Variants in FUT8 observed in about 807,000 individuals in gnomAD.
FUT8 encodes alpha-(1,6)-fucosyltransferase.
A neutral mutation model predicts 71.3 loss-of-function variants in FUT8; 29 were observed. That is an observed-to-expected ratio of 0.41 (90% confidence interval 0.30 to 0.55). The LOEUF (loss-of-function observed/expected upper bound fraction) is 0.55, where lower values mean the gene tolerates loss of function less well. Among genes scored for constraint, FUT8 ranks in the 20% least tolerant of loss-of-function variants. FUT8 has a pLI of 0.34. For synonymous variants in FUT8, 254 were observed against 239.3 expected (o/e 1.06, Z -0.57); for missense variants, 544 against 702.1 (o/e 0.77, Z 2.55).
chr14:65,647,585 A>G (rs1181433073), intron 6 of FUT8, among the ~76,000 whole-genome samples: 1 of 152,210 alleles, frequency 6.6e-6, no homozygotes, highest in Non-Finnish European at 1.5e-5. Flanking sequence ...GACATTTTAC[A>G]GTTGAAGTAT....
intron 6 of FUT8, among the ~76,000 whole-genome samples, chr14:65,641,853 C>G (rs1342709497): frequency 4.7e-5 from 7 of 149,704 alleles, no homozygotes; most frequent in Admixed American, 4.7e-4. Flanking sequence ...CTTAAATCTT[C>G]TGCCTATTTT....
At chr14:65,650,433 A>G (rs1056714309) in intron 6 of FUT8, among the ~76,000 whole-genome samples, 4 of 151,904 alleles carry the variant, frequency 2.6e-5, no homozygotes, top group African/African-American at 4.8e-5. Flanking sequence ...GAAACTTACA[A>G]TCATGGCAGA....
intron 6 of FUT8, among the ~76,000 whole-genome samples, chr14:65,665,011 G>C (rs1207686784): frequency 6.6e-6 from 1 of 152,108 alleles, no homozygotes; most frequent in African/African-American, 2.4e-5. Flanking sequence ...AACATTTGCT[G>C]TCTGGATCTC....
At chr14:65,535,521 C>G (rs1396104863) in intron 2 of FUT8, among the ~76,000 whole-genome samples, 1 of 152,150 alleles carries the variant, frequency 6.6e-6, no homozygotes, top group East Asian at 1.9e-4. Context: ...TAAAGAACTT[C>G]TTTGGTTTCT....
At chr14:65,415,312 T>C (rs2065202556) in intron 1 of FUT8, among the ~76,000 whole-genome samples, 1 of 152,212 alleles carries the variant, frequency 6.6e-6, no homozygotes, top group African/African-American at 2.4e-5. Flanking sequence ...TGTGGGCATA[T>C]ATATGTACAT....
rs1472307028 is a variant in FUT8 at position 65,650,306 on chromosome 14, A to C, written c.598-18937A>C. Among the ~76,000 whole-genome samples the C allele has an allele frequency of 2.0e-3, 274 of 135,456 alleles. 1 individual carries two copies. The highest frequency in any genetic ancestry group is 6.6e-3 in the African/African-American group (243 of 36,664). 88.9% of individuals were successfully genotyped at this position (135,456 alleles called of 152,430 possible). A position where few individuals can be genotyped will look rare whatever the true frequency, so the allele number is the denominator to read the frequency against. ...AGAGTGAGACTCTGTCTCAAAAAAA[A>C]AAAAAAAAAAAAAAAAAAAAACCTG... On this transcript the variant is annotated intron_variant, in intron 6 of 10. Coordinates refer to ENST00000673929, the MANE Select transcript of FUT8 (RefSeq NM_001371533.1).
chr14:65,374,742 G>A, the FUT8 span, among the ~76,000 whole-genome samples: 2 of 150,752 alleles, frequency 1.3e-5, no homozygotes, highest in Non-Finnish European at 3.0e-5. Context: ...CTACAAGTGT[G>A]TGCCACCACG....
At chr14:65,666,835 T>C (rs2140364976) in intron 6 of FUT8, among the ~76,000 whole-genome samples, 1 of 152,304 alleles carries the variant, frequency 6.6e-6, no homozygotes, top group African/African-American at 2.4e-5. Flanking sequence ...CGCGATCAAA[T>C]AGGCTTTATC....
At chr14:65,386,394 C>A in the FUT8 span, among the ~76,000 whole-genome samples, 1 of 150,176 alleles carries the variant, frequency 6.7e-6, no homozygotes, top group Non-Finnish European at 1.5e-5. Flanking sequence ...GTTTTAGCTA[C>A]TTGGGAGGCT....
At chr14:65,595,135 GT>G (rs961196459) in intron 3 of FUT8, among the ~76,000 whole-genome samples, 2 of 151,994 alleles carry the variant, frequency 1.3e-5, no homozygotes, top group African/African-American at 4.8e-5. Flanking sequence ...TATTCTTAAA[GT>G]TTCATCTTAT....
chr14:65,370,796 CAT>C, the FUT8 span, among the ~76,000 whole-genome samples: 1 of 152,104 alleles, frequency 6.6e-6, no homozygotes, highest in African/African-American at 2.4e-5. Flanking sequence ...CGTTTATTAA[CAT>C]GTGCAGCATG....
At chr14:65,616,955 G>A (rs993863220) in intron 5 of FUT8, 1 of 1,044,864 alleles carries the variant, frequency 9.6e-7, no homozygotes, top group Non-Finnish European at 1.3e-6. Flanking sequence ...ATAATATGAA[G>A]TTTATCTTCC....
intron 7 of FUT8, among the ~76,000 whole-genome samples, chr14:65,697,077 ATTTTT>A (rs759677898): frequency 3.3e-5 from 5 of 152,064 alleles, no homozygotes; most frequent in Non-Finnish European, 7.4e-5. Flanking sequence ...TTCAGACTAT[ATTTTT>A]TGCCTTTTAG....
chr14:65,368,626 A>G, the FUT8 span, among the ~76,000 whole-genome samples: 2 of 134,962 alleles, frequency 1.5e-5, 1 homozygote, highest in Non-Finnish European at 3.2e-5. Flanking sequence ...GGTTCACGCC[A>G]TTCTCCTGCC....
chr14:65,599,294 A>G (rs1888172677), intron 3 of FUT8, among the ~76,000 whole-genome samples: 1 of 151,998 alleles, frequency 6.6e-6, no homozygotes, highest in African/African-American at 2.4e-5. Flanking sequence ...GAAAACTAAA[A>G]CTCATTGAGC....
intron 2 of FUT8, among the ~76,000 whole-genome samples, chr14:65,558,820 G>A (rs899839379): frequency 6.6e-6 from 1 of 151,884 alleles, no homozygotes. Flanking sequence ...AAAAATACTG[G>A]CAAAGACAAA....
chr14:65,595,826 G>C (rs1018821294), intron 3 of FUT8, among the ~76,000 whole-genome samples: 17 of 152,098 alleles, frequency 1.1e-4, no homozygotes, highest in African/African-American at 4.1e-4. Flanking sequence ...AGCCAGGATG[G>C]TCTCAATCTC....
At chr14:65,536,263 T>G (rs1448246008) in intron 2 of FUT8, among the ~76,000 whole-genome samples, 4 of 152,236 alleles carry the variant, frequency 2.6e-5, no homozygotes, top group Non-Finnish European at 5.9e-5. Flanking sequence ...TCAAGGCTAG[T>G]ATGGATATGT....
chr14:65,477,912 G>T (rs566740881), intron 2 of FUT8, among the ~76,000 whole-genome samples: 1 of 151,738 alleles, frequency 6.6e-6, no homozygotes, highest in East Asian at 1.9e-4. Context: ...AAGCATCATG[G>T]TTTAAACGTT....
Sources: allele counts gnomAD v4.1 joint callset (sites outside exome capture counted in the v4.1 genomes callset), GRCh38; gene constraint gnomAD v4.1.1; transcripts MANE v1.5; gene names NCBI Gene and HGNC (gene_info 2026-07-23, HGNC 2026-07-21).